The following CUL4A variants were observed in gnomAD, a reference collection of about 807,000 sequenced individuals.
The protein encoded by CUL4A is cullin-4A.
CUL4A carries 16 observed loss-of-function variants against 95.5 expected under a neutral mutation model. The ratio of observed to expected loss-of-function variants is 0.17; its 90% confidence interval spans 0.11 to 0.25. The LOEUF is 0.25. CUL4A is among the 10% of genes least tolerant of loss of function. The pLI is 1.00. For missense variants in CUL4A, 610 were observed against 937.0 expected (o/e 0.65, Z 4.56); for synonymous variants, 380 against 353.1 (o/e 1.08, Z -0.85).
intron 19 of CUL4A, among the ~76,000 whole-genome samples, chr13:113,262,519 G>C (rs913203103): frequency 6.6e-6 from 1 of 152,136 alleles, no homozygotes; most frequent in Non-Finnish European, 1.5e-5. Context: ...ATGGTGGTGT[G>C]CAGCCTGTGA....
In CUL4A at chr13:113,265,424, G is replaced by T. The variant is rs1279863101; in HGVS notation, c.*1842G>T. 2.6e-5 allele frequency: 4 copies of T among 152,336 alleles called. No individual in the cohort carries two copies. The highest frequency in any genetic ancestry group is 9.6e-5 in the African/African-American group (4 of 41,456). The allele number at this position is 152,336 out of a possible 1,614,324, so 9.4% of individuals were successfully genotyped here. A position where few individuals can be genotyped will look rare whatever the true frequency, so the allele number is the denominator to read the frequency against. ...TTTAATTGAGGTGGAGTCTTGCTCT[G>T]TTGCCCAAGCTGGAGTGCAGTGGTG... On this transcript the variant is annotated 3_prime_UTR_variant, in exon 20 of 20. Coordinates refer to ENST00000375440, the MANE Select transcript of CUL4A (RefSeq NM_001008895.4).
chr13:113,217,620 T>G (rs1288736890), intron 2 of CUL4A, among the ~76,000 whole-genome samples: 1 of 152,210 alleles, frequency 6.6e-6, no homozygotes, highest in Non-Finnish European at 1.5e-5. Flanking sequence ...TTATTAATAC[T>G]TGTGTAAGTA....
At chr13:113,257,218 C>G (rs9549367) in intron 18 of CUL4A, among the ~76,000 whole-genome samples, 34,727 of 151,968 alleles carry the variant, frequency 0.23, 5,049 homozygotes, top group East Asian at 0.56. Flanking sequence ...AGCCACCATG[C>G]CCAGCCTGCT....
At chr13:113,262,105 T>G (rs2042295946) in intron 19 of CUL4A, among the ~76,000 whole-genome samples, 1 of 152,192 alleles carries the variant, frequency 6.6e-6, no homozygotes, top group South Asian at 2.1e-4. Flanking sequence ...AATGTGTGGC[T>G]TATCACTGAA....
rs368145944 is a variant in CUL4A at position 113,244,559 on chromosome 13, A to G, written c.1333+45A>G. 2.7e-4 allele frequency: 369 copies of G among 1,379,542 alleles called. No individual in the cohort carries two copies. Among genetic ancestry groups the G allele is most frequent in the Non-Finnish European group, 3.3e-4 (327 of 980,486 alleles). 85.5% of individuals were successfully genotyped at this position (1,379,542 alleles called of 1,614,324 possible). On this transcript the variant is annotated intron_variant, in intron 12 of 19. Transcript: ENST00000375440. ...AAAATGCTGCATAATCAAGAGGTGT[A>G]AACAGGCCCTGCTTTCCCAGAGGAG...
chr13:113,247,672 G>T (rs2041890966), intron 15 of CUL4A, among the ~76,000 whole-genome samples: 1 of 152,190 alleles, frequency 6.6e-6, no homozygotes, highest in South Asian at 2.1e-4. Flanking sequence ...CAGACTTAGA[G>T]AACATGTGCG....
Position 113,233,311 on chromosome 13 carries a change from G to A in CUL4A, c.647G>A (p.Ser216Asn). Residue 216 changes from serine to asparagine, a missense_variant, in exon 6 of 20, where the codon AGC becomes AAC. Physicochemically the swap from Ser to Asn is conservative, Grantham distance 46. This residue lies in a region of CUL4A where 97 missense variants were observed against 100.3 expected (regional missense o/e 0.97). Transcript: ENST00000375440. ...GCCGTGGACCGGAGCCTGTTGCGGA[G>A]CCTCCTGGGCATGCTGTCTGACCTG... ...GEAVDRSLLR[S>N]LLGMLSDLQV... 3.1e-6 allele frequency: 5 copies of A among 1,613,194 alleles called. No homozygotes were observed. Among genetic ancestry groups the A allele is most frequent in the Non-Finnish European group, 4.2e-6 (5 of 1,179,892 alleles).
At chr13:113,218,093 C>T (rs1369705148) in intron 2 of CUL4A, among the ~76,000 whole-genome samples, 1 of 152,156 alleles carries the variant, frequency 6.6e-6, no homozygotes, top group East Asian at 1.9e-4. Context: ...AAAAATTAAC[C>T]TGTGCGTGGT....
chr13:113,231,543 T>A (rs1273349880), intron 5 of CUL4A, among the ~76,000 whole-genome samples: 1 of 151,858 alleles, frequency 6.6e-6, no homozygotes, highest in Non-Finnish European at 1.5e-5. Context: ...GGGTAGAGAG[T>A]CACACAAGTG....
chr13:113,238,312 C>T (rs1169744183), intron 9 of CUL4A, among the ~76,000 whole-genome samples: 1 of 151,846 alleles, frequency 6.6e-6, no homozygotes, highest in East Asian at 1.9e-4. Context: ...TTTAAAGCCA[C>T]AGGTGGTGCA....
intron 14 of CUL4A, 56 bp downstream of exon 14, chr13:113,245,293 G>A: frequency 6.8e-7 from 1 of 1,477,214 alleles, no homozygotes; most frequent in Non-Finnish European, 9.5e-7. Context: ...TTAGTGTGGT[G>A]GCTCATGCCT....
upstream of CUL4A, chr13:113,208,358 C>G (rs2040103400): frequency 7.0e-7 from 1 of 1,432,716 alleles, no homozygotes; most frequent in African/African-American, 1.4e-5. Flanking sequence ...TACACCGCGA[C>G]GACTCCGCGA....
intron 5 of CUL4A, 132 bp from the exon 6 acceptor site, chr13:113,233,045 C>A (rs1465732185): frequency 4.3e-6 from 4 of 940,900 alleles, no homozygotes; most frequent in Non-Finnish European, 6.2e-6. Flanking sequence ...AAAAGGAATT[C>A]TTGGCACCTA....
At chr13:113,248,628 C>A (rs2041916196) in intron 15 of CUL4A, among the ~76,000 whole-genome samples, 2 of 152,250 alleles carry the variant, frequency 1.3e-5, no homozygotes, top group East Asian at 3.9e-4. Context: ...TATCCACGGG[C>A]TGTTGGTTCC....
chr13:113,208,310 G>C (rs916184953), upstream of CUL4A: 36 of 1,431,788 alleles, frequency 2.5e-5, no homozygotes, highest in Non-Finnish European at 3.3e-5. Flanking sequence ...ACACGTGCCA[G>C]CAAGTGAGGG....
intron 15 of CUL4A, 109 bp from the exon 16 acceptor site, chr13:113,252,973 T>C: frequency 1.8e-6 from 1 of 558,108 alleles, no homozygotes; most frequent in Non-Finnish European, 3.2e-6. Flanking sequence ...AATATAGAGC[T>C]GACCTTTTAA....
At chr13:113,214,152 C>T (rs1011337150) in intron 2 of CUL4A, among the ~76,000 whole-genome samples, 4 of 152,216 alleles carry the variant, frequency 2.6e-5, no homozygotes, top group African/African-American at 7.2e-5. Flanking sequence ...GTTTTGCTCA[C>T]TCTCCCTCTA....
Position 113,244,405 on chromosome 13 carries a change from C to G in CUL4A, c.1229-5C>G. On this transcript the variant is annotated splice_polypyrimidine_tract_variant and splice_region_variant and intron_variant, in intron 11 of 19. Coordinates refer to ENST00000375440, the MANE Select transcript of CUL4A (RefSeq NM_001008895.4). The stretch of plus-strand genomic sequence containing the variant: ...AGAGTATTTACTATATGTTTATGCT[C>G]ACAGCAAAGCATGTGGATTCAAAGT... 6.2e-7 allele frequency: 1 copy of G among 1,608,034 alleles called. No homozygotes were observed. The highest frequency in any genetic ancestry group is 8.5e-7 in the Non-Finnish European group (1 of 1,176,012).
rs375774505 is a variant in CUL4A at position 113,242,989 on chromosome 13, A to G, written c.1057A>G (p.Ile353Val). Residue 353 changes from isoleucine to valine, a missense_variant, in exon 11 of 20, where the codon ATC becomes GTC. Ile to Val is a conservative substitution (Grantham distance 29, BLOSUM62 3). This residue lies in a region of CUL4A where 153 missense variants were observed against 244.5 expected (regional missense o/e 0.63). Transcript: ENST00000375440. ...GTAGACTTTTGGAACAGCGATCGTA[A>G]TCAATCCTGAGAAAGACAAAGACAT... The part of the protein sequence containing the change: ...YIKTFGTAIV[I>V]NPEKDKDMVQ... 7.1e-5 allele frequency: 114 copies of G among 1,608,504 alleles called. No homozygotes were observed. Among genetic ancestry groups the G allele is most frequent in the Non-Finnish European group, 9.5e-5 (112 of 1,175,564 alleles).
Sources: allele counts gnomAD v4.1 joint callset (sites outside exome capture counted in the v4.1 genomes callset), GRCh38; gene constraint gnomAD v4.1.1; regional missense constraint gnomAD v4.1.1; transcripts MANE v1.5; gene names NCBI Gene and HGNC (gene_info 2026-07-23, HGNC 2026-07-21).